Variants in TRIQK observed in about 807,000 individuals in gnomAD.
TRIQK encodes triple QxxK/R motif containing.
In TRIQK, 10 loss-of-function variants were observed where a neutral mutation model predicts 10.8. The observed-to-expected ratio is 0.92, with a 90% CI of 0.57 to 1.57. The LOEUF is 1.57. TRIQK is among the 40% of genes most tolerant of loss of function. The probability of loss-of-function intolerance (pLI) is 0.00; values close to 1 mark genes in which losing one functional copy is unlikely to be tolerated. For synonymous variants in TRIQK, 33 were observed against 33.7 expected (o/e 0.98, Z 0.07); for missense variants, 107 against 97.7 (o/e 1.09, Z -0.40).
At chr8:92,954,125 AACAG>A (rs1812052902) in intron 2 of TRIQK, 3 of 152,024 alleles carry the variant, frequency 2.0e-5, no homozygotes, top group Admixed American at 1.3e-4. Context: ...ACAAATCTTT[AACAG>A]ACAATTGATA....
In TRIQK at chr8:92,933,060, T is replaced by G. The variant is rs907694493; in HGVS notation, c.-21-16050A>C. 1.6e-4 allele frequency among the ~76,000 whole-genome samples: 25 copies of G among 152,216 alleles called. No individual in the cohort carries two copies. In the East Asian group the frequency reaches 2.9e-3, roughly 18 times the overall value. Reference sequence around the variant, plus strand: ...AGCAAGATCTGGGGACAAGATATGCTCATTTCTAATAAACTGATACTGTTC... The same window carrying G: ...AGCAAGATCTGGGGACAAGATATGCGCATTTCTAATAAACTGATACTGTTC... On this transcript the variant is annotated intron_variant, in intron 2 of 4. Coordinates refer to ENST00000521988, the MANE Select transcript of TRIQK (RefSeq NM_001171797.2).
chr8:92,978,104 G>T (rs989096291), intron 1 of TRIQK, among the ~76,000 whole-genome samples: 3 of 152,034 alleles, frequency 2.0e-5, no homozygotes, highest in Admixed American at 6.6e-5. Flanking sequence ...GGAATGCATT[G>T]TATCTATCCA....
chr8:92,892,159 A>G, intron 3 of TRIQK, 85 bp from the exon 4 acceptor site: 1 of 988,724 alleles, frequency 1.0e-6, no homozygotes, highest in South Asian at 1.6e-5. Flanking sequence ...GAATGTTTAA[A>G]TACAGTGAAA....
intron 4 of TRIQK, among the ~76,000 whole-genome samples, chr8:92,889,586 G>A (rs1036024478): frequency 2.6e-5 from 4 of 151,512 alleles, no homozygotes; most frequent in Admixed American, 2.0e-4. Context: ...TCTTAAGGCC[G>A]ATGACAAACA....
intron 4 of TRIQK, among the ~76,000 whole-genome samples, chr8:92,888,082 T>C (rs758258156): frequency 2.2e-4 from 33 of 151,660 alleles, no homozygotes; most frequent in Admixed American, 1.9e-3. Flanking sequence ...TCCACAGCTG[T>C]GTTCCCAGAC....
At chr8:93,003,689 C>T (rs1813238393) in intron 1 of TRIQK, among the ~76,000 whole-genome samples, 1 of 152,174 alleles carries the variant, frequency 6.6e-6, no homozygotes, top group Non-Finnish European at 1.5e-5. Flanking sequence ...GACCCTTCCA[C>T]CTATGAGCCT....
upstream of TRIQK, among the ~76,000 whole-genome samples, chr8:92,966,397 C>G (rs1436945446): frequency 6.6e-6 from 1 of 151,752 alleles, no homozygotes; most frequent in African/African-American, 2.4e-5. Flanking sequence ...CCTCCCATCT[C>G]ACACACACAC....
chr8:92,898,714 C>T (rs1015851405), intron 3 of TRIQK, among the ~76,000 whole-genome samples: 14 of 151,170 alleles, frequency 9.3e-5, no homozygotes, highest in African/African-American at 2.2e-4. Context: ...CTGAGTCAAA[C>T]AGAGGTTGCT....
At chr8:93,015,242 A>T (rs1813372966) in intron 1 of TRIQK, among the ~76,000 whole-genome samples, 1 of 151,938 alleles carries the variant, frequency 6.6e-6, no homozygotes, top group African/African-American at 2.4e-5. Flanking sequence ...CATTATTTTA[A>T]AATTTCTTTA....
At chr8:92,904,953 A>G (rs1236155763) in intron 3 of TRIQK, among the ~76,000 whole-genome samples, 1 of 152,204 alleles carries the variant, frequency 6.6e-6, no homozygotes, top group Non-Finnish European at 1.5e-5. Flanking sequence ...ACTTACCATT[A>G]CCATCACCAG....
chr8:92,932,874 G>C (rs1194112466), intron 2 of TRIQK, among the ~76,000 whole-genome samples: 1 of 152,022 alleles, frequency 6.6e-6, no homozygotes, highest in African/African-American at 2.4e-5. Context: ...GTTCCTTCAA[G>C]GTGGTTTGTG....
intron 1 of TRIQK, among the ~76,000 whole-genome samples, chr8:92,962,886 G>C (rs918702463): frequency 1.2e-4 from 19 of 152,196 alleles, no homozygotes; most frequent in Non-Finnish European, 2.8e-4. Flanking sequence ...CTGGGAAAGA[G>C]AGTAGGAGTA....
intron 2 of TRIQK, among the ~76,000 whole-genome samples, chr8:92,936,544 T>C (rs951203012): frequency 1.3e-5 from 2 of 151,590 alleles, no homozygotes; most frequent in Admixed American, 6.6e-5. Flanking sequence ...TGTTGATACA[T>C]AGGCAAACAA....
chr8:92,896,012 G>T (rs910231300), intron 3 of TRIQK, among the ~76,000 whole-genome samples: 1 of 152,160 alleles, frequency 6.6e-6, no homozygotes, highest in African/African-American at 2.4e-5. Flanking sequence ...AGGGGACCAG[G>T]TGCTATTCAT....
chr8:93,004,681 A>T (rs1813250203), intron 1 of TRIQK, among the ~76,000 whole-genome samples: 1 of 152,190 alleles, frequency 6.6e-6, no homozygotes, highest in African/African-American at 2.4e-5. Flanking sequence ...AGCCTTTTAG[A>T]AGTAGCCAGG....
intron 1 of TRIQK, among the ~76,000 whole-genome samples, chr8:93,000,014 C>G (rs985962928): frequency 3.3e-5 from 5 of 152,096 alleles, no homozygotes; most frequent in Non-Finnish European, 7.4e-5. Flanking sequence ...ATACTTTCAA[C>G]TTCCATCATG....
At chr8:92,909,319 G>A (rs897330046) in intron 3 of TRIQK, among the ~76,000 whole-genome samples, 28 of 151,926 alleles carry the variant, frequency 1.8e-4, no homozygotes, top group African/African-American at 5.8e-4. Flanking sequence ...TCAGCATAAC[G>A]TACCTTTACA....
intron 1 of TRIQK, among the ~76,000 whole-genome samples, chr8:92,955,044 A>T (rs1812101239): frequency 6.6e-6 from 1 of 151,954 alleles, no homozygotes; most frequent in South Asian, 2.1e-4. Context: ...AGCAACATGG[A>T]ATAATAAGCA....
intron 1 of TRIQK, among the ~76,000 whole-genome samples, chr8:92,998,849 A>T (rs1449972381): frequency 7.9e-5 from 12 of 152,222 alleles, no homozygotes; most frequent in African/African-American, 2.6e-4. Context: ...TGTAAAGACC[A>T]GGGGACTCTG....
Sources: allele counts gnomAD v4.1 joint callset (sites outside exome capture counted in the v4.1 genomes callset), GRCh38; gene constraint gnomAD v4.1.1; transcripts MANE v1.5; gene names NCBI Gene and HGNC (gene_info 2026-07-23, HGNC 2026-07-21).